PCDHA1: variants seen among roughly 807,000 people sequenced by gnomAD.
PCDHA1 encodes protocadherin alpha-1.
A neutral mutation model predicts 61.3 loss-of-function variants in PCDHA1; 42 were observed. The observed-to-expected ratio is 0.69, with a 90% CI of 0.54 to 0.89. PCDHA1 has a LOEUF of 0.89. PCDHA1 is among the 40% of genes least tolerant of loss of function. The pLI is 0.00. For synonymous variants in PCDHA1, 610 were observed against 553.8 expected (o/e 1.10, Z -1.43); for missense variants, 1,256 against 1,235.3 (o/e 1.02, Z -0.25).
chr5:140,882,668 C>T, intron 1 of PCDHA1: 1 of 1,614,138 alleles, frequency 6.2e-7, no homozygotes, highest in Non-Finnish European at 8.5e-7. Context: ...GCCCATATTC[C>T]CTGAAAGCAA....
At chr5:140,794,410 C>T (rs1394621232) in intron 1 of PCDHA1, among the ~76,000 whole-genome samples, 3 of 152,146 alleles carry the variant, frequency 2.0e-5, no homozygotes, top group African/African-American at 2.4e-5. Flanking sequence ...CTTTACGAGT[C>T]CACTTACACG....
chr5:140,882,767 G>T lies in PCDHA1; in HGVS notation c.2394+94083G>T, dbSNP rs1348655523. ...CGATGCAGATATTGGAGTAAACTCG[G>T]CATTGACCTACCGACTGGATCCCAA... On this transcript the variant is annotated intron_variant, in intron 1 of 3. Transcript: ENST00000504120. 1.9e-6 allele frequency: 3 copies of T among 1,614,058 alleles called. No individual in the cohort carries two copies. The South Asian group carries it at 3.3e-5, about 18-fold the overall frequency.
At position 140,803,223 on chromosome 5, in the gene PCDHA1, C is replaced by T. The variant is rs148554584; in HGVS notation, c.2394+14539C>T. On this transcript the variant is annotated intron_variant, in intron 1 of 3. Transcript: ENST00000504120. The stretch of plus-strand genomic sequence containing the variant: ...GTCGCTGGTGGAGAGTGGCCAGGCA[C>T]CCAAGGCCTCGTCCCAGGCGTCCGC... 3.9e-5 allele frequency: 63 copies of T among 1,613,842 alleles called. No homozygotes were observed. In the African/African-American group the frequency reaches 6.8e-4, roughly 17 times the overall value.
chr5:140,883,207 G>T (rs781883209), intron 1 of PCDHA1: 12 of 1,613,794 alleles, frequency 7.4e-6, no homozygotes, highest in East Asian at 2.2e-5. Context: ...TCGAAGAAAA[G>T]AAATTATATG....
chr5:140,836,018 G>A (rs1480987765), intron 1 of PCDHA1: 2 of 1,613,364 alleles, frequency 1.2e-6, no homozygotes, highest in Non-Finnish European at 1.7e-6. Context: ...TGCCGCCTCT[G>A]GGCAGCAACG....
intron 1 of PCDHA1, chr5:140,869,029 A>AT (rs1364344296): frequency 2.6e-6 from 4 of 1,526,350 alleles, no homozygotes; most frequent in Non-Finnish European, 3.5e-6. Flanking sequence ...ATTCAACGAG[A>AT]TTTTTAACCT....
chr5:140,796,752 A>G (rs1359473362), intron 1 of PCDHA1: 1 of 1,614,118 alleles, frequency 6.2e-7, no homozygotes, highest in Non-Finnish European at 8.5e-7. Context: ...AGGTGCGCGC[A>G]GTGGACGCTG....
At chr5:140,907,391 A>G (rs1455875344) in intron 1 of PCDHA1, among the ~76,000 whole-genome samples, 2 of 152,214 alleles carry the variant, frequency 1.3e-5, no homozygotes, top group African/African-American at 2.4e-5. Context: ...GGTCAAAGGC[A>G]ATGCTGTGTG....
chr5:140,928,172 C>T (rs782267454), intron 1 of PCDHA1: 1 of 1,614,200 alleles, frequency 6.2e-7, no homozygotes, highest in South Asian at 1.1e-5. Flanking sequence ...CCACTTAGCA[C>T]CCGAAGGACA....
Position 140,786,341 on chromosome 5 carries a change from G to A in PCDHA1, c.51G>A (p.Trp17Ter). The change falls in exon 1 of 4, where the codon TGG becomes TGA. Residue 17 changes from tryptophan to a stop codon, truncating the protein, a stop_gained. Transcript: ENST00000504120. LOFTEE classifies it high-confidence loss of function. ...TGGGAGCCCGGGATCTGCTTCTTTG[G>A]CTTCTGCTCCTCGCAGCCTGGGAGG... ...GGLGARDLLL[W>*]LLLLAAWEVG... The A allele has an allele frequency of 6.2e-7, 1 of 1,613,702 alleles. No homozygotes were observed.
intron 1 of PCDHA1, chr5:140,929,609 A>G: frequency 2.4e-6 from 1 of 410,256 alleles, no homozygotes; most frequent in Non-Finnish European, 4.4e-6. Flanking sequence ...TAAAAATAAA[A>G]TACCAAAATA....
intron 1 of PCDHA1, chr5:140,862,721 C>T (rs1019011354): frequency 3.5e-6 from 2 of 566,878 alleles, no homozygotes; most frequent in Admixed American, 3.8e-5. Context: ...GGCGAGTGCG[C>T]GCTGTCTAGC....
chr5:140,842,491 G>GC, intron 1 of PCDHA1: 1 of 1,613,896 alleles, frequency 6.2e-7, no homozygotes, highest in African/African-American at 1.3e-5. Flanking sequence ...GCTCCCTGAT[G>GC]CCCCATGTCC....
At chr5:140,816,513 G>T (rs2126672756) in intron 1 of PCDHA1, 8 of 151,612 alleles carry the variant, frequency 5.3e-5, no homozygotes, top group Non-Finnish European at 1.2e-4. Context: ...GTGTTTGTGT[G>T]TGTGTGTGTG....
chr5:140,803,686 A>G (rs782640971), intron 1 of PCDHA1: 2 of 1,564,850 alleles, frequency 1.3e-6, no homozygotes, highest in Non-Finnish European at 1.7e-6. Flanking sequence ...TTAAGTATGA[A>G]TTATGTGATT....
In PCDHA1 at chr5:140,829,505, T is replaced by C. The variant is rs1470600823; in HGVS notation, c.2394+40821T>C. 1.4e-5 allele frequency: 22 copies of C among 1,613,588 alleles called. No homozygotes were observed. The highest frequency in any genetic ancestry group is 1.9e-5 in the Non-Finnish European group (22 of 1,179,954). ...CGTGAAGGAGAACAACCCGCCGGGC[T>C]GCCACATCTTCACGGTGTCTGCGCG... On this transcript the variant is annotated intron_variant, in intron 1 of 3. Transcript: ENST00000504120.
intron 1 of PCDHA1, among the ~76,000 whole-genome samples, chr5:140,879,010 G>C (rs2057809352): frequency 6.6e-6 from 1 of 152,200 alleles, no homozygotes; most frequent in Non-Finnish European, 1.5e-5. Context: ...CTAGAAATCA[G>C]ATAATGTTTT....
intron 1 of PCDHA1, chr5:140,850,253 C>A: frequency 6.3e-7 from 1 of 1,593,758 alleles, no homozygotes; most frequent in South Asian, 1.1e-5. Flanking sequence ...GGTCGGTGGG[C>A]GCCGGCGTAG....
rs538135807 is a variant in PCDHA1, at chr5:140,873,663, T to C, written c.2394+84979T>C. On this transcript the variant is annotated intron_variant, in intron 1 of 3. Transcript: ENST00000504120. ...GTGAGAACTACATAACACACTATTA[T>C]TATTTGTTTCTTTTTGAGATAGAGT... Among the ~76,000 whole-genome samples the C allele has an allele frequency of 3.3e-5, 5 of 152,342 alleles. No individual in the cohort carries two copies. In the South Asian group the frequency reaches 1.0e-3, roughly 32 times the overall value.
Sources: gnomAD v4.1 joint callset for allele counts (sites outside exome capture counted in the v4.1 genomes callset) on GRCh38, gnomAD v4.1.1 for gene constraint, MANE v1.5 for transcripts, NCBI Gene and HGNC (gene_info 2026-07-23, HGNC 2026-07-21) for gene names.